The following IARS1 variants were observed in gnomAD, a reference collection of about 807,000 sequenced individuals.
The protein encoded by IARS1 is isoleucyl-tRNA synthetase 1.
Under a neutral mutation model 168.2 loss-of-function variants are expected in IARS1, and 124 were observed. The ratio of observed to expected loss-of-function variants is 0.74; its 90% CI spans 0.64 to 0.86. The LOEUF is 0.86. Ranked by LOEUF, IARS1 falls within the 40% of genes least tolerant of loss-of-function variation. IARS1 has a pLI of 0.00. For synonymous variants in IARS1, 532 were observed against 529.4 expected (o/e 1.00, Z -0.07); for missense variants, 1,452 against 1,515.8 (o/e 0.96, Z 0.70).
chr9:92,255,736 C>T (rs562037020), intron 20 of IARS1, among the ~76,000 whole-genome samples: 51 of 152,262 alleles, frequency 3.3e-4, no homozygotes, highest in African/African-American at 1.2e-3. Flanking sequence ...TCTACTTAAG[C>T]CTTACAAACA....
chr9:92,224,149 C>G (rs1019867000), intron 31 of IARS1, among the ~76,000 whole-genome samples: 2 of 152,204 alleles, frequency 1.3e-5, no homozygotes, highest in African/African-American at 4.8e-5. Flanking sequence ...ACAGGTGTGG[C>G]CTTGTAGGAA....
intron 19 of IARS1, 110 bp downstream of exon 19, chr9:92,258,744 A>G: frequency 9.1e-7 from 1 of 1,101,946 alleles, no homozygotes; most frequent in South Asian, 1.9e-5. Context: ...AGCATCAGGC[A>G]GCAGAGAACA....
intron 4 of IARS1, chr9:92,287,442 C>T (rs1835627106): frequency 6.3e-6 from 1 of 157,532 alleles, no homozygotes; most frequent in Non-Finnish European, 1.4e-5. Context: ...ACCCATCATA[C>T]TACTTTTTCA....
intron 9 of IARS1, among the ~76,000 whole-genome samples, chr9:92,276,225 G>A (rs1226149898): frequency 1.3e-5 from 2 of 152,184 alleles, no homozygotes; most frequent in African/African-American, 4.8e-5. Flanking sequence ...GACCTGAAGG[G>A]TGAGTTAACT....
intron 10 of IARS1, among the ~76,000 whole-genome samples, chr9:92,272,811 A>G (rs1255956239): frequency 3.3e-5 from 5 of 150,002 alleles, no homozygotes; most frequent in Non-Finnish European, 5.9e-5. Context: ...AGATTGCACC[A>G]TTGCACTACA....
intron 26 of IARS1, among the ~76,000 whole-genome samples, chr9:92,245,685 T>C (rs1829081836): frequency 6.6e-6 from 1 of 152,208 alleles, no homozygotes; most frequent in Non-Finnish European, 1.5e-5. Flanking sequence ...CTCTGTGTTC[T>C]GAAGATGATC....
chr9:92,233,132 C>T (rs905232396), intron 30 of IARS1, among the ~76,000 whole-genome samples: 5 of 152,168 alleles, frequency 3.3e-5, no homozygotes, highest in African/African-American at 4.8e-5. Flanking sequence ...GCATGGGAAG[C>T]GCTGTCAAAT....
intron 23 of IARS1, 61 bp from the exon 24 acceptor site, chr9:92,250,350 C>T (rs1829835536): frequency 2.9e-6 from 3 of 1,046,302 alleles, no homozygotes; most frequent in Non-Finnish European, 3.0e-6. Flanking sequence ...ATTGAAGGCA[C>T]TAGGCATGCA....
Position 92,210,905 on chromosome 9 carries a change from A to G in IARS1, c.3707-16T>C, listed in dbSNP as rs535248137. ...TCTGTAATTTCTAGAATGGAAAGAAAAAGTTGAAAAAAAATCAGTATTTTA... is the reference window on the plus strand; with the variant it reads ...TCTGTAATTTCTAGAATGGAAAGAAGAAGTTGAAAAAAAATCAGTATTTTA... On this transcript the variant is annotated splice_polypyrimidine_tract_variant and intron_variant, in intron 33 of 33. Transcript: ENST00000443024. The G allele has an allele frequency of 8.2e-5, 124 of 1,518,978 alleles. 1 individual carries two copies. Among genetic ancestry groups the G allele is most frequent in the South Asian group, 7.5e-4 (67 of 89,156 alleles). The allele number at this position is 1,518,978 out of a possible 1,614,324, so 94.1% of individuals were successfully genotyped here.
At chr9:92,262,712 A>G (rs908826156) in intron 17 of IARS1, among the ~76,000 whole-genome samples, 2 of 152,252 alleles carry the variant, frequency 1.3e-5, no homozygotes, top group Non-Finnish European at 1.5e-5. Flanking sequence ...AGTATTTCAT[A>G]AAGTGCTAAG....
At chr9:92,239,443 A>G (rs986402159) in intron 30 of IARS1, among the ~76,000 whole-genome samples, 1 of 152,186 alleles carries the variant, frequency 6.6e-6, no homozygotes, top group Admixed American at 6.5e-5. Context: ...GTTAGGTGTT[A>G]TATCTTTTTC....
At position 92,216,950 on chromosome 9, in the gene IARS1, C is replaced by T. The variant is rs1587687718; in HGVS notation, c.3706+5570G>A. On this transcript the variant is annotated intron_variant, in intron 33 of 33. Transcript: ENST00000443024. ...AGTAGACATCTACAGAACTCTCCAC[C>T]CCAAATTAACAGAATATACATTTTT... is the stretch of plus-strand genomic sequence containing the variant. Among the ~76,000 whole-genome samples the T allele has an allele frequency of 2.6e-5, 4 of 151,438 alleles. No homozygotes were observed. The East Asian group carries it at 7.8e-4, about 29-fold the overall frequency.
At chr9:92,227,605 C>A (rs1339857771) in intron 31 of IARS1, among the ~76,000 whole-genome samples, 2 of 151,340 alleles carry the variant, frequency 1.3e-5, no homozygotes, top group East Asian at 3.9e-4. Context: ...CGGAGGGGCT[C>A]CTCACTTCTC....
intron 26 of IARS1, among the ~76,000 whole-genome samples, chr9:92,246,237 A>G (rs1478169434): frequency 6.6e-6 from 1 of 152,194 alleles, no homozygotes; most frequent in East Asian, 1.9e-4. Context: ...TTCTATCTAA[A>G]TATTTGGAGA....
rs753283123 is a variant in IARS1 at position 92,278,287 on chromosome 9, C to G, written c.746-1G>C. ...ATGAGTAATCGTCCTCTGGCAACAT[C>G]TACGAGAAAAAGGAAAAACATGGAC... On this transcript the variant is annotated splice_acceptor_variant, in intron 7 of 33. Transcript: ENST00000443024. LOFTEE classifies it high-confidence loss of function. The G allele has an allele frequency of 6.2e-7, 1 of 1,606,210 alleles. No individual in the cohort carries two copies. Among genetic ancestry groups the G allele is most frequent in the Non-Finnish European group, 8.5e-7 (1 of 1,172,840 alleles).
At chr9:92,293,277 C>T (rs1190270303) in intron 1 of IARS1, among the ~76,000 whole-genome samples, 1 of 151,960 alleles carries the variant, frequency 6.6e-6, no homozygotes, top group Non-Finnish European at 1.5e-5. Flanking sequence ...TTCATGGTGA[C>T]TGAAGTAAAT....
intron 26 of IARS1, among the ~76,000 whole-genome samples, chr9:92,245,669 C>A (rs1209571970): frequency 6.6e-6 from 1 of 152,146 alleles, no homozygotes; most frequent in Non-Finnish European, 1.5e-5. Context: ...TTTATGTTTA[C>A]TTTGTCTCTG....
At position 92,213,130 on chromosome 9, in the gene IARS1, A is replaced by T. The variant is rs369711475; in HGVS notation, c.3707-2241T>A. Reference sequence around the variant, plus strand: ...AAAAGTACGATATGCAACTAAATTTAAAAAAAAAAGCTGCACAGGAAGAAA... The same window carrying T: ...AAAAGTACGATATGCAACTAAATTTTAAAAAAAAAGCTGCACAGGAAGAAA... On this transcript the variant is annotated intron_variant, in intron 33 of 33. Transcript: ENST00000443024. 3.7e-3 allele frequency among the ~76,000 whole-genome samples: 551 copies of T among 149,078 alleles called. 4 individuals are homozygous for T. The highest frequency in any genetic ancestry group is 0.017 in the Middle Eastern group (5 of 294).
chr9:92,281,881 TAAAG>T lies in IARS1; in HGVS notation c.598-992_598-989del, dbSNP rs1834627598. Among the ~76,000 whole-genome samples the T allele has an allele frequency of 2.6e-5, 4 of 152,280 alleles. No individual in the cohort carries two copies. In the South Asian group the frequency reaches 8.3e-4, roughly 32 times the overall value. On this transcript the variant is annotated intron_variant, in intron 6 of 33. Coordinates refer to ENST00000443024, the MANE Select transcript of IARS1 (RefSeq NM_002161.6). ...TCAAATATGTCAGTATTATGAGGCA[TAAAG>T]AGACTAAAGAGCTCTTTAAGATTAA...
Sources: allele counts gnomAD v4.1 joint callset (sites outside exome capture counted in the v4.1 genomes callset), GRCh38; gene constraint gnomAD v4.1.1; transcripts MANE v1.5; gene names NCBI Gene and HGNC (gene_info 2026-07-23, HGNC 2026-07-21).